GTF2IRD1: variants seen among roughly 807,000 people sequenced by gnomAD.
The protein encoded by GTF2IRD1 is GTF2I repeat domain containing 1.
Under a neutral mutation model 113.2 loss-of-function variants are expected in GTF2IRD1, and 26 were observed. The observed-to-expected ratio is 0.23, with a 90% confidence interval of 0.17 to 0.32. The LOEUF (loss-of-function observed/expected upper bound fraction) is 0.32. Ranked by LOEUF, GTF2IRD1 falls within the 10% of genes least tolerant of loss-of-function variation. The probability of loss-of-function intolerance (pLI) is 1.00; values close to 1 mark genes in which losing one functional copy is unlikely to be tolerated. For synonymous variants in GTF2IRD1, 484 were observed against 529.1 expected, an observed-to-expected ratio of 0.91 and a Z score of 1.17; for missense variants, 864 against 1,280.8, an observed-to-expected ratio of 0.67 and a Z score of 4.97.
intron 1 of GTF2IRD1, among the ~76,000 whole-genome samples, chr7:74,473,192 C>T (rs1554332806): frequency 1.3e-5 from 2 of 152,184 alleles, no homozygotes; most frequent in East Asian, 1.9e-4. Flanking sequence ...TGGGGTCAGC[C>T]TGGTTGGGAT....
At chr7:74,483,762 G>A (rs1163420704) in intron 1 of GTF2IRD1, among the ~76,000 whole-genome samples, 6 of 151,994 alleles carry the variant, frequency 3.9e-5, no homozygotes, top group African/African-American at 1.2e-4. Flanking sequence ...GGCTGAGGCC[G>A]GCAGATGGCT....
chr7:74,572,703 T>C (rs1800766645), intron 22 of GTF2IRD1: 1 of 192,944 alleles, frequency 5.2e-6, no homozygotes, highest in Non-Finnish European at 9.5e-6. Flanking sequence ...CTTCCAACTC[T>C]GTCTTGAGCT....
chr7:74,590,509 C>G (rs1801994071), intron 23 of GTF2IRD1, among the ~76,000 whole-genome samples: 1 of 152,090 alleles, frequency 6.6e-6, no homozygotes, highest in Non-Finnish European at 1.5e-5. Flanking sequence ...CTGCCTCAGC[C>G]TCACGAGTAG....
intron 8 of GTF2IRD1, among the ~76,000 whole-genome samples, chr7:74,524,448 G>A (rs1056005209): frequency 6.6e-5 from 10 of 152,216 alleles, no homozygotes; most frequent in African/African-American, 2.4e-4. Flanking sequence ...CTGGGGGCCG[G>A]GCGCAGTGGC....
chr7:74,580,216 C>T (rs1562888586), intron 22 of GTF2IRD1, among the ~76,000 whole-genome samples: 2 of 152,290 alleles, frequency 1.3e-5, no homozygotes, highest in East Asian at 1.9e-4. Flanking sequence ...GTGGTGCAAT[C>T]GCTGCAGCCG....
chr7:74,567,174 A>G (rs1167787324), intron 22 of GTF2IRD1, among the ~76,000 whole-genome samples: 4 of 152,016 alleles, frequency 2.6e-5, no homozygotes, highest in Middle Eastern at 3.2e-3. Flanking sequence ...CTAAAAATAC[A>G]AAAATTCGCT....
intron 9 of GTF2IRD1, among the ~76,000 whole-genome samples, chr7:74,531,767 T>G (rs1156646580): frequency 1.3e-5 from 2 of 151,218 alleles, no homozygotes; most frequent in Non-Finnish European, 2.9e-5. Flanking sequence ...GTCTCTGCCC[T>G]GGCCCAGGTA....
intron 1 of GTF2IRD1, among the ~76,000 whole-genome samples, chr7:74,479,646 C>T (rs1794622664): frequency 6.6e-6 from 1 of 152,202 alleles, no homozygotes; most frequent in South Asian, 2.1e-4. Flanking sequence ...CCAGGAAGCC[C>T]CACCCTGACT....
rs146781451 is a variant in GTF2IRD1 at position 74,576,829 on chromosome 7, C to T, written c.2321-13022C>T. Among the ~76,000 whole-genome samples the T allele has an allele frequency of 7.1e-3, 1,074 of 151,684 alleles. 25 individuals are homozygous for T. The highest frequency in any genetic ancestry group is 0.024 in the African/African-American group (1,012 of 41,414). ...AGAGACAGGGTTTCACCATGTTGCC[C>T]AGGCTGGTCTCAAACTCCTGACCTC... On this transcript the variant is annotated intron_variant, in intron 22 of 26. Coordinates refer to ENST00000424337, the MANE Select transcript of GTF2IRD1 (RefSeq NM_005685.4).
At chr7:74,475,056 A>C (rs1366108466) in intron 1 of GTF2IRD1, among the ~76,000 whole-genome samples, 3 of 152,138 alleles carry the variant, frequency 2.0e-5, no homozygotes, top group Admixed American at 2.0e-4. Context: ...AGAGTTTGAG[A>C]CCAGCCAGGG....
chr7:74,474,706 G>A (rs187415568), intron 1 of GTF2IRD1, among the ~76,000 whole-genome samples: 131 of 152,248 alleles, frequency 8.6e-4, no homozygotes, highest in African/African-American at 3.1e-3. Context: ...GGTGGGTTGC[G>A]AGATGCCCAT....
chr7:74,600,372 T>C (rs141501611), intron 25 of GTF2IRD1, among the ~76,000 whole-genome samples: 552 of 151,898 alleles, frequency 3.6e-3, no homozygotes, highest in Non-Finnish European at 5.9e-3. Context: ...TGAGCTACGA[T>C]TGCACCATGG....
Position 74,454,260 on chromosome 7 carries a change from G to T in GTF2IRD1, c.-7+84G>T, listed in dbSNP as rs1237760214. 8 of 37,002 alleles carry T rather than the reference G, an allele frequency of 2.2e-4. No individual in the cohort carries two copies. The South Asian group carries it at 5.1e-3, about 24-fold the overall frequency. 2.3% of individuals were successfully genotyped at this position (37,002 alleles called of 1,614,324 possible). ...CCCGCCCCCGATCCCCTCCGCCTCCGGGGGGGGGGGTCCCCGCCCCTCCCC... is the reference window on the plus strand; with the variant it reads ...CCCGCCCCCGATCCCCTCCGCCTCCTGGGGGGGGGGTCCCCGCCCCTCCCC... On this transcript the variant is annotated intron_variant, in intron 1 of 26. Coordinates refer to ENST00000424337, the MANE Select transcript of GTF2IRD1 (RefSeq NM_005685.4).
At chr7:74,504,865 G>A (rs1554340608) in intron 1 of GTF2IRD1, among the ~76,000 whole-genome samples, 2 of 151,418 alleles carry the variant, frequency 1.3e-5, no homozygotes, top group Non-Finnish European at 2.9e-5. Flanking sequence ...CCGCCACCAC[G>A]CCAGGCTAAT....
At chr7:74,570,469 C>T (rs1800634745) in intron 22 of GTF2IRD1, among the ~76,000 whole-genome samples, 2 of 151,556 alleles carry the variant, frequency 1.3e-5, no homozygotes, top group African/African-American at 4.8e-5. Context: ...GCCTGGGCAA[C>T]ATAGTGAGAC....
In GTF2IRD1 at chr7:74,538,730, G is replaced by A. The variant is rs1798453739; in HGVS notation, c.1498G>A (p.Asp500Asn). The A allele has an allele frequency of 6.2e-7, 1 of 1,603,354 alleles. No individual in the cohort carries two copies. Among genetic ancestry groups the A allele is most frequent in the Non-Finnish European group, 8.5e-7 (1 of 1,170,364 alleles). Residue 500 changes from aspartate (D) to asparagine (N), a missense_variant, in exon 13 of 27, where the codon GAT (aspartate) becomes AAT (asparagine). By Grantham distance (23) the Asp-to-Asn change is conservative. Around this residue, in one of 7 missense-constraint regions of GTF2IRD1, gnomAD observed 218 missense variants for 352.6 expected, o/e 0.62. Transcript: ENST00000424337. ...GAGGCCGATCAAAATTGAGCCAGAGGATCTGGACATCATTCAGGTCACCGT... is the reference window on the plus strand; with the variant it reads ...GAGGCCGATCAAAATTGAGCCAGAGAATCTGGACATCATTCAGGTCACCGT... Reference protein sequence around the residue: ...GLRPIKIEPEDLDIIQVTVPD... With the variant: ...GLRPIKIEPENLDIIQVTVPD...
At chr7:74,523,965 C>T in intron 7 of GTF2IRD1, 106 bp from the exon 8 acceptor site, 5 of 746,856 alleles carry the variant, frequency 6.7e-6, no homozygotes, top group Non-Finnish European at 1.2e-5. Context: ...GGGGCTGGGG[C>T]CGGCCTCGGG....
chr7:74,545,956 C>T, intron 16 of GTF2IRD1, 147 bp downstream of exon 16: 1 of 682,650 alleles, frequency 1.5e-6, no homozygotes. Flanking sequence ...AAGGGAGGAG[C>T]TGGGACCCAT....
intron 25 of GTF2IRD1, among the ~76,000 whole-genome samples, chr7:74,597,111 C>T (rs370581925): frequency 7.9e-5 from 12 of 151,448 alleles, no homozygotes; most frequent in Middle Eastern, 3.4e-3. Flanking sequence ...GGTGTGATCT[C>T]GGCTCACTGC....
Sources: gnomAD v4.1 joint callset for allele counts (sites outside exome capture counted in the v4.1 genomes callset) on GRCh38, gnomAD v4.1.1 for gene constraint, gnomAD v4.1.1 regional missense constraint, MANE v1.5 for transcripts, NCBI Gene and HGNC (gene_info 2026-07-23, HGNC 2026-07-21) for gene names.